Variants in ABCC8 observed in about 807,000 individuals in gnomAD.
ABCC8 encodes ATP-binding cassette sub-family C member 8.
In ABCC8, 137 loss-of-function variants were observed where a neutral mutation model predicts 188.0. The observed-to-expected ratio is 0.73, with a 90% CI of 0.63 to 0.84. The LOEUF is 0.84. ABCC8 is among the 40% of genes least tolerant of loss of function. The probability of loss-of-function intolerance (pLI) is 0.00; values close to 1 mark genes in which losing one functional copy is unlikely to be tolerated. For synonymous variants in ABCC8, 797 were observed against 846.5 expected (o/e 0.94, Z 1.01); for missense variants, 1,750 against 2,072.7 (o/e 0.84, Z 3.02).
rs1262313924 is a variant in ABCC8, at chr11:17,397,384, T to C, written c.3868-71A>G. The stretch of plus-strand genomic sequence containing the variant: ...CTGTCCTCAGCCACCAGAATGGCTC[T>C]TCTTAAGGCTGGAGAGGGGCCAGGG... On this transcript the variant is annotated intron_variant, in intron 31 of 38. Transcript: ENST00000389817. 8 of 1,598,692 alleles carry C rather than the reference T, an allele frequency of 5.0e-6. No individual in the cohort carries two copies. In the Admixed American group the frequency reaches 1.2e-4, roughly 23 times the overall value.
In ABCC8 at chr11:17,453,600, T is replaced by C. The variant is rs78970117; in HGVS notation, c.1012-317A>G. On this transcript the variant is annotated intron_variant, in intron 6 of 38. Coordinates refer to ENST00000389817, the MANE Select transcript of ABCC8 (RefSeq NM_000352.6). ...CAGACCCAGGGGAGAGCATTCTGAATGGGGCAAGAATAAATAGAGCACCTA... is the reference window on the plus strand; with the variant it reads ...CAGACCCAGGGGAGAGCATTCTGAACGGGGCAAGAATAAATAGAGCACCTA... Among the ~76,000 whole-genome samples, 9,868 of 152,214 alleles carry C rather than the reference T, an allele frequency of 0.065. 462 individuals are homozygous for C. The highest frequency in any genetic ancestry group is 0.09 in the Non-Finnish European group (6,125 of 68,006).
At chr11:17,466,398 CAAAAAAAA>C (rs747797902) in intron 3 of ABCC8, among the ~76,000 whole-genome samples, 2 of 49,852 alleles carry the variant, frequency 4.0e-5, no homozygotes, top group Non-Finnish European at 8.3e-5. Flanking sequence ...GACTCCATCT[CAAAAAAAA>C]AAAAAAAAAA....
intron 1 of ABCC8, 70 bp downstream of exon 1, chr11:17,476,551 AGCGGTGCG>A: frequency 6.5e-7 from 1 of 1,534,654 alleles, no homozygotes; most frequent in Non-Finnish European, 8.8e-7. Context: ...GGGGACGCCG[AGCGGTGCG>A]GCGCGCAGCG....
In ABCC8 at chr11:17,428,405, G is replaced by A. The variant is rs767068467; in HGVS notation, c.1924C>T (p.Pro642Ser). ...QGPASKYQAV[P>S]LRVVNRKRPA... ...CGCTTGCGGTTCACAACCCTGAGGG[G>A]CTGGGGGTGGTTTGGAGGTGAGGAC... The change falls in exon 14 of 39, where the codon CCC (proline) becomes TCC (serine). Residue 642 changes from proline to serine, a missense_variant and splice_region_variant. Physicochemically the swap from Pro to Ser is moderately conservative, Grantham distance 74 (BLOSUM62 -1). Transcript: ENST00000389817. The A allele has an allele frequency of 5.0e-6, 8 of 1,612,488 alleles. No homozygotes were observed. The South Asian group carries it at 6.6e-5, about 13-fold the overall frequency.
At chr11:17,428,467 T>C (rs1298822813) in intron 13 of ABCC8, 62 bp from the exon 14 acceptor site, 3 of 1,602,422 alleles carry the variant, frequency 1.9e-6, no homozygotes, top group Middle Eastern at 1.7e-4. Flanking sequence ...AGGGAGCCCC[T>C]CTTCCTGGGA....
intron 8 of ABCC8, among the ~76,000 whole-genome samples, chr11:17,443,640 C>G (rs59138800): frequency 6.6e-6 from 1 of 152,128 alleles, no homozygotes; most frequent in Non-Finnish European, 1.5e-5. Flanking sequence ...ATGTTTGTGA[C>G]AGCACCTTTT....
intron 33 of ABCC8, 60 bp from the exon 34 acceptor site, chr11:17,395,990 A>G (rs1953906718): frequency 1.9e-6 from 3 of 1,550,294 alleles, no homozygotes; most frequent in Non-Finnish European, 1.7e-6. Flanking sequence ...AATAGCCTCT[A>G]TGCTAGCTCT....
rs558918242 is a variant in ABCC8, at chr11:17,473,187, G to T, written c.290+1699C>A. 2.6e-5 allele frequency among the ~76,000 whole-genome samples: 4 copies of T among 151,932 alleles called. 1 individual carries two copies. Among genetic ancestry groups the T allele is most frequent in the Non-Finnish European group, 2.9e-5 (2 of 68,012 alleles). The stretch of plus-strand genomic sequence containing the variant: ...AGGTCTTCCTTCTCCAAGGGCGGAG[G>T]TGTCTTTCTCTGTCACCATCTGGTG... On this transcript the variant is annotated intron_variant, in intron 2 of 38. Transcript: ENST00000389817.
intron 8 of ABCC8, among the ~76,000 whole-genome samples, chr11:17,447,181 C>T (rs1956568911): frequency 6.6e-6 from 1 of 152,194 alleles, no homozygotes; most frequent in Non-Finnish European, 1.5e-5. Context: ...AACCTTCCCG[C>T]CCTCTGGGAA....
chr11:17,448,196 T>G (rs1339456860), intron 8 of ABCC8: 4 of 365,812 alleles, frequency 1.1e-5, no homozygotes, highest in African/African-American at 2.1e-5. Context: ...GTAATCTTCC[T>G]GCCTCAGCCT....
intron 30 of ABCC8, among the ~76,000 whole-genome samples, chr11:17,398,023 C>A (rs1297202001): frequency 1.3e-5 from 2 of 152,154 alleles, no homozygotes; most frequent in African/African-American, 2.4e-5. Context: ...CCCTGCACAC[C>A]CTTTAACATG....
chr11:17,442,607 T>C lies in ABCC8; in HGVS notation c.1630+113A>G. 3.7e-6 allele frequency: 4 copies of C among 1,081,678 alleles called. 1 individual carries two copies. The South Asian group carries it at 3.8e-5, about 10-fold the overall frequency. The allele number at this position is 1,081,678 out of a possible 1,614,324, so 67.0% of individuals were successfully genotyped here. A position where few individuals can be genotyped will look rare whatever the true frequency, so the allele number is the denominator to read the frequency against. ...TTTGAGGCTCCCCTACTGAGTCGGA[T>C]AATCTCAAGGCCTCCTGCTTCTGTC... On this transcript the variant is annotated intron_variant, in intron 10 of 38. Transcript: ENST00000389817.
intron 10 of ABCC8, among the ~76,000 whole-genome samples, chr11:17,440,685 A>T (rs927214861): frequency 6.6e-6 from 1 of 152,260 alleles, no homozygotes; most frequent in African/African-American, 2.4e-5. Context: ...CATGTATGGC[A>T]GACGGCCCAG....
At chr11:17,419,817 T>C (rs887076039) in intron 16 of ABCC8, among the ~76,000 whole-genome samples, 6 of 152,202 alleles carry the variant, frequency 3.9e-5, no homozygotes, top group Non-Finnish European at 7.3e-5. Flanking sequence ...AGGAAAAATA[T>C]GGGCTCTGAC....
At chr11:17,410,292 C>T (rs529414348) in intron 22 of ABCC8, 16 of 547,156 alleles carry the variant, frequency 2.9e-5, no homozygotes, top group Non-Finnish European at 4.6e-5. Context: ...ATGGGGGGCC[C>T]GGGCCAGGAT....
rs1455516450 is a variant in ABCC8, at chr11:17,408,581, C to T, written c.2695-64G>A. 67 of 1,573,752 alleles carry T rather than the reference C, an allele frequency of 4.3e-5. 1 individual carries two copies. In the South Asian group the frequency reaches 7.2e-4, roughly 17 times the overall value. On this transcript the variant is annotated intron_variant, in intron 22 of 38. Transcript: ENST00000389817. ...GGGGAGGAATGGTGGTCACATCCCTCAATTGTGGAGTCTAAGATGGAGGTT... is the reference window on the plus strand; with the variant it reads ...GGGGAGGAATGGTGGTCACATCCCTTAATTGTGGAGTCTAAGATGGAGGTT...
intron 1 of ABCC8, among the ~76,000 whole-genome samples, chr11:17,476,185 C>T (rs1325154551): frequency 3.3e-5 from 5 of 152,224 alleles, no homozygotes; most frequent in African/African-American, 1.2e-4. Flanking sequence ...CCATCCCAGA[C>T]TCCAAAGCAC....
chr11:17,476,474 G>A (rs956768561), intron 1 of ABCC8, among the ~76,000 whole-genome samples, 155 bp downstream of exon 1: 9 of 152,218 alleles, frequency 5.9e-5, no homozygotes, highest in Non-Finnish European at 1.0e-4. Context: ...GCGAGTGCGG[G>A]GACCGGCGGG....
chr11:17,416,864 C>T, intron 17 of ABCC8, 66 bp downstream of exon 17: 1 of 1,581,898 alleles, frequency 6.3e-7, no homozygotes, highest in Non-Finnish European at 8.7e-7. Flanking sequence ...ACCCACAAGT[C>T]CTCCACCCCC....
Sources: allele counts gnomAD v4.1 joint callset (sites outside exome capture counted in the v4.1 genomes callset), GRCh38; gene constraint gnomAD v4.1.1; transcripts MANE v1.5; gene names NCBI Gene and HGNC (gene_info 2026-07-23, HGNC 2026-07-21).